Variants in CALR observed in about 807,000 individuals in gnomAD.
The protein encoded by CALR is calreticulin, also known as CRP55.
CALR carries 15 observed loss-of-function variants against 51.1 expected under a neutral mutation model. That is an observed-to-expected ratio of 0.29 (90% CI 0.20 to 0.45). The LOEUF is 0.45. Among genes scored for constraint, CALR ranks in the 20% least tolerant of loss-of-function variants. The pLI, the probability that CALR is intolerant of heterozygous loss-of-function variation, is 1.00. For synonymous variants in CALR, 239 were observed against 205.9 expected, an observed-to-expected ratio of 1.16 and a Z score of -1.38; for missense variants, 477 against 530.6, an observed-to-expected ratio of 0.90 and a Z score of 0.99.
At chr19:12,939,333 CAGGTGGAGGAA>C (rs1437521812) in intron 2 of CALR, 84 bp from the exon 3 acceptor site, 1 of 1,453,240 alleles carries the variant, frequency 6.9e-7, no homozygotes, top group Non-Finnish European at 9.6e-7. Flanking sequence ...TGGAGGAGGA[CAGGTGGAGGAA>C]GTGGGGGAGT....
intron 3 of CALR, 114 bp from the exon 4 acceptor site, chr19:12,939,939 C>T (rs1303238167): frequency 9.7e-6 from 8 of 821,702 alleles, no homozygotes; most frequent in Middle Eastern, 2.8e-4. Context: ...AGTTTCTCTT[C>T]TCAGCCTTGA....
At chr19:12,939,276 C>A in intron 2 of CALR, 41 bp downstream of exon 2, 1 of 1,488,706 alleles carries the variant, frequency 6.7e-7, no homozygotes, top group South Asian at 1.2e-5. Flanking sequence ...GGGAGGACTT[C>A]CTGGCAGAAG....
Position 12,940,061 on chromosome 19 carries a change from A to G in CALR, c.406A>G (p.Ile136Val), listed in dbSNP as rs775846295. 1.2e-6 allele frequency: 2 copies of G among 1,613,434 alleles called. No homozygotes were observed. The highest frequency in any genetic ancestry group is 8.5e-7 in the Non-Finnish European group (1 of 1,179,344). Residue 136 changes from isoleucine to valine, a missense_variant, in exon 4 of 9, where the codon ATC becomes GTC. Physicochemically the swap from Ile to Val is conservative, Grantham distance 29 (BLOSUM62 3). Coordinates refer to ENST00000316448, the MANE Select transcript of CALR (RefSeq NM_004343.4). ...SEYNIMFGPD[I>V]CGPGTKKVHV... Reference sequence around the variant, plus strand: ...ATCTGCTTCACACCTAGGTCCCGACATCTGTGGCCCTGGCACCAAGAAGGT... The same window carrying G: ...ATCTGCTTCACACCTAGGTCCCGACGTCTGTGGCCCTGGCACCAAGAAGGT...
chr19:12,942,612 T>TA (rs1568449299), intron 7 of CALR, among the ~76,000 whole-genome samples: 2 of 147,614 alleles, frequency 1.4e-5, no homozygotes, highest in African/African-American at 2.6e-5. Flanking sequence ...TTTTTTTTTT[T>TA]AAGACAGAGT....
rs754808968 is a variant in CALR, at chr19:12,943,964, G to A, written c.*51G>A. ...GAGGCCTGAGCGCTCCTGCCGCAGAGCTGGCCGCGCCAAATAATGTCTCTG... is the reference window on the plus strand; with the variant it reads ...GAGGCCTGAGCGCTCCTGCCGCAGAACTGGCCGCGCCAAATAATGTCTCTG... On this transcript the variant is annotated 3_prime_UTR_variant, in exon 9 of 9. Transcript: ENST00000316448. The A allele has an allele frequency of 6.2e-7, 1 of 1,600,672 alleles. No individual in the cohort carries two copies. Among genetic ancestry groups the A allele is most frequent in the Non-Finnish European group, 8.5e-7 (1 of 1,174,812 alleles).
intron 1 of CALR, 85 bp downstream of exon 1, chr19:12,938,855 T>TGTTGGACCTCTAAACGGTAA: frequency 1.9e-6 from 2 of 1,065,334 alleles, no homozygotes; most frequent in Non-Finnish European, 2.8e-6. Flanking sequence ...GTAATTACCG[T>TGTTGGACCTCTAAACGGTAA]TTAGAGGTCC....
At position 12,943,786 on chromosome 19, in the gene CALR, G is replaced by A. The variant is rs1208070437; in HGVS notation, c.1127G>A (p.Arg376His). 4 of 1,596,846 alleles carry A rather than the reference G, an allele frequency of 2.5e-6. No homozygotes were observed. Among genetic ancestry groups the A allele is most frequent in the South Asian group, 1.1e-5 (1 of 89,330 alleles). The change falls in exon 9 of 9, where the codon CGC becomes CAC. Residue 376 changes from arginine to histidine, a missense_variant. Transcript: ENST00000316448. ...AAGGAGGAGGAAGAAGACAAGAAAC[G>A]CAAAGAGGAGGAGGAGGCAGAGGAC... ...RLKEEEEDKK[R>H]KEEEEAEDKE...
chr19:12,939,847 G>T (rs184040306), intron 3 of CALR, among the ~76,000 whole-genome samples: 23 of 151,896 alleles, frequency 1.5e-4, no homozygotes, highest in African/African-American at 5.6e-4. Flanking sequence ...AGGATTTTGA[G>T]TTCTAGAGCA....
At chr19:12,938,807 C>A in intron 1 of CALR, 37 bp downstream of exon 1, 1 of 1,460,654 alleles carries the variant, frequency 6.8e-7, no homozygotes. Context: ...GCCCCGACGA[C>A]GCGGCCGGCC....
intron 7 of CALR, among the ~76,000 whole-genome samples, chr19:12,941,230 T>C (rs1344824898): frequency 3.3e-5 from 5 of 152,108 alleles, no homozygotes; most frequent in Admixed American, 6.6e-5. Context: ...AGAGGATTGC[T>C]TGAGGCCAGG....
intron 7 of CALR, among the ~76,000 whole-genome samples, chr19:12,942,594 T>C (rs1265791025): frequency 1.7e-5 from 2 of 118,156 alleles, no homozygotes; most frequent in Non-Finnish European, 3.3e-5. Flanking sequence ...TCTCTCCATC[T>C]TTTTTTTTTT....
Position 12,940,855 on chromosome 19 carries a change from A to T in CALR, c.928A>T (p.Asn310Tyr). Residue 310 changes from asparagine to tyrosine, a missense_variant, in exon 7 of 9, where the codon AAC (asparagine) becomes TAC (tyrosine). By Grantham distance (143) the Asn-to-Tyr change is moderately radical. Transcript: ENST00000316448. ...CGATCCCAGTATCTATGCCTATGAT[A>T]ACTTTGGCGTGCTGGGCCTGGACCT... The part of the protein sequence containing the change: ...SPDPSIYAYD[N>Y]FGVLGLDLWQ... 6.2e-7 allele frequency: 1 copy of T among 1,614,142 alleles called. No individual in the cohort carries two copies.
intron 7 of CALR, 131 bp downstream of exon 7, chr19:12,941,018 C>T (rs1378239205): frequency 2.4e-6 from 2 of 847,580 alleles, no homozygotes; most frequent in African/African-American, 1.7e-5. Flanking sequence ...AACAGTACTT[C>T]CTGGTCTGTC....
At chr19:12,938,853 C>A in intron 1 of CALR, 83 bp downstream of exon 1, 1 of 1,076,412 alleles carries the variant, frequency 9.3e-7, no homozygotes, top group South Asian at 1.3e-5. Context: ...CCGTAATTAC[C>A]GTTTAGAGGT....
chr19:12,938,894 G>A, intron 1 of CALR, 124 bp downstream of exon 1: 2 of 842,660 alleles, frequency 2.4e-6, no homozygotes, highest in African/African-American at 1.7e-5. Flanking sequence ...GACTAGAGCC[G>A]CGGGCGATTT....
intron 7 of CALR, chr19:12,943,184 ACAT>A: frequency 3.2e-6 from 1 of 310,754 alleles, no homozygotes. Flanking sequence ...TCCTGGGTTC[ACAT>A]CATTCTCCTG....
Position 12,939,501 on chromosome 19 carries a change from G to C in CALR, c.267G>C (p.Gln89His), listed in dbSNP as rs763267459. ...TCGAGCCTTTCAGCAACAAAGGCCA[G>C]ACGCTGGTGGTGCAGTTCACGGTGA... ...ASFEPFSNKG[Q>H]TLVVQFTVKH... is the part of the protein sequence containing the mutation. Residue 89 changes from glutamine to histidine, a missense_variant, in exon 3 of 9, where the codon CAG (glutamine) becomes CAC (histidine). Gln to His is a conservative substitution (Grantham distance 24, BLOSUM62 0). Transcript: ENST00000316448. The C allele has an allele frequency of 1.2e-6, 2 of 1,613,252 alleles. No individual in the cohort carries two copies. Among genetic ancestry groups the C allele is most frequent in the Non-Finnish European group, 1.7e-6 (2 of 1,180,048 alleles).
chr19:12,940,579 T>A lies in CALR; in HGVS notation c.741T>A (p.Ala247=). ...DKPEHIPDPD[A]KKPEDWDEEM... ...CCGAGCATATCCCTGACCCTGATGC[T>A]AAGAAGCCCGAGGACTGGGATGAAG... Residue 247 remains alanine, a synonymous_variant, in exon 6 of 9, where the codon GCT becomes GCA. Transcript: ENST00000316448. The A allele has an allele frequency of 6.2e-7, 1 of 1,614,088 alleles. No individual in the cohort carries two copies. Among genetic ancestry groups the A allele is most frequent in the South Asian group, 1.1e-5 (1 of 91,084 alleles).
At position 12,943,635 on chromosome 19, in the gene CALR, G is replaced by C; in HGVS notation, c.1053+6G>C. On this transcript the variant is annotated splice_donor_region_variant and intron_variant, in intron 8 of 8. Transcript: ENST00000316448. ...AGACGTGGGGCGTAACAAAGGTGAG[G>C]CCTGGTCCTGGTCCTGATGTCGGGG... The C allele has an allele frequency of 6.2e-7, 1 of 1,614,172 alleles. No homozygotes were observed. Among genetic ancestry groups the C allele is most frequent in the Non-Finnish European group, 8.5e-7 (1 of 1,180,040 alleles).
Sources: gnomAD v4.1 joint callset for allele counts (sites outside exome capture counted in the v4.1 genomes callset) on GRCh38, gnomAD v4.1.1 for gene constraint, MANE v1.5 for transcripts, NCBI Gene and HGNC (gene_info 2026-07-23, HGNC 2026-07-21) for gene names.